TMEM154: variants seen among roughly 807,000 people sequenced by gnomAD.
TMEM154 encodes transmembrane protein 154.
In TMEM154, 27 loss-of-function variants were observed where a neutral mutation model predicts 24.5. The observed-to-expected ratio is 1.10, with a 90% CI of 0.81 to 1.52. The LOEUF is 1.52. TMEM154 is among the 40% of genes most tolerant of loss of function. The pLI is 0.00. For missense variants in TMEM154, 228 were observed against 213.4 expected (o/e 1.07, Z -0.43); for synonymous variants, 67 against 76.8 (o/e 0.87, Z 0.67).
rs971624647 is a variant in TMEM154 at position 152,625,202 on chromosome 4, A to G, written c.*3344T>C. ...CATTGCTAGAGCTGCGGTGATCAGC[A>G]GAAGCATCTGCCTGGCTGTCAATAT... On this transcript the variant is annotated 3_prime_UTR_variant, in exon 7 of 7. Coordinates refer to ENST00000304385, the MANE Select transcript of TMEM154 (RefSeq NM_152680.3). The G allele has an allele frequency of 2.0e-5, 3 of 152,396 alleles. No individual in the cohort carries two copies. The highest frequency in any genetic ancestry group is 2.9e-5 in the Non-Finnish European group (2 of 68,060). 9.4% of individuals were successfully genotyped at this position (152,396 alleles called of 1,614,324 possible).
chr4:152,647,574 A>G (rs1466617786), intron 3 of TMEM154, among the ~76,000 whole-genome samples: 2 of 152,238 alleles, frequency 1.3e-5, no homozygotes. Context: ...TAAGGTAAAA[A>G]TAATGTACCA....
intron 1 of TMEM154, among the ~76,000 whole-genome samples, chr4:152,676,678 C>T (rs1728957872): frequency 6.6e-6 from 1 of 152,172 alleles, no homozygotes; most frequent in Non-Finnish European, 1.5e-5. Context: ...CAGCAGATGT[C>T]AGCCGTGTTC....
intron 6 of TMEM154, among the ~76,000 whole-genome samples, chr4:152,631,158 A>T (rs528721754): frequency 9.2e-5 from 14 of 152,182 alleles, no homozygotes; most frequent in Non-Finnish European, 2.1e-4. Flanking sequence ...TTAATGGCCC[A>T]TTGTCAAATT....
intron 1 of TMEM154, among the ~76,000 whole-genome samples, chr4:152,671,887 A>G: frequency 6.6e-6 from 1 of 151,856 alleles, no homozygotes; most frequent in East Asian, 1.9e-4. Flanking sequence ...AAAACCGGTG[A>G]TGAAAATACC....
At chr4:152,671,041 T>A (rs900168492) in intron 1 of TMEM154, among the ~76,000 whole-genome samples, 23 of 152,102 alleles carry the variant, frequency 1.5e-4, no homozygotes, top group African/African-American at 5.3e-4. Flanking sequence ...TTCATTGCAT[T>A]CGGGGCTAAG....
chr4:152,670,648 T>TA (rs1445702825), intron 1 of TMEM154, among the ~76,000 whole-genome samples: 1 of 152,170 alleles, frequency 6.6e-6, no homozygotes, highest in East Asian at 1.9e-4. Context: ...TTGGGATAGT[T>TA]AGCTAATATT....
rs1751816345 is a variant in TMEM154 at position 152,619,726 on chromosome 4, G to C, written c.*8820C>G. Reference sequence around the variant, plus strand: ...GGCCGCTGGACCACAGGCTTGGCTGGGCTCCTATCCGACAGCCAGAACAAA... The same window carrying C: ...GGCCGCTGGACCACAGGCTTGGCTGCGCTCCTATCCGACAGCCAGAACAAA... On this transcript the variant is annotated 3_prime_UTR_variant, in exon 7 of 7. Transcript: ENST00000304385. 2 of 152,206 alleles carry C rather than the reference G, an allele frequency of 1.3e-5. No homozygotes were observed. The highest frequency in any genetic ancestry group is 4.8e-5 in the African/African-American group (2 of 41,442). The allele number at this position is 152,206 out of a possible 1,614,324, so 9.4% of individuals were successfully genotyped here.
chr4:152,628,333 G>T lies in TMEM154; in HGVS notation c.*213C>A. 2.5e-6 allele frequency: 2 copies of T among 785,886 alleles called. No individual in the cohort carries two copies. The highest frequency in any genetic ancestry group is 4.1e-6 in the Non-Finnish European group (2 of 484,988). The allele number at this position is 785,886 out of a possible 1,614,324, so 48.7% of individuals were successfully genotyped here. On this transcript the variant is annotated 3_prime_UTR_variant, in exon 7 of 7. Coordinates refer to ENST00000304385, the MANE Select transcript of TMEM154 (RefSeq NM_152680.3). ...CAGAGGCAGCGATGGATGGCAGCCA[G>T]GCCTTTTCCTAGTACTTCTCAATTG...
In TMEM154 at chr4:152,644,255, C is replaced by T. The variant is rs575504467; in HGVS notation, c.392+160G>A. Among the ~76,000 whole-genome samples, 4 of 152,274 alleles carry T rather than the reference C, an allele frequency of 2.6e-5. No homozygotes were observed. In the East Asian group the frequency reaches 7.7e-4, roughly 29 times the overall value. On this transcript the variant is annotated intron_variant, in intron 4 of 6. Coordinates refer to ENST00000304385, the MANE Select transcript of TMEM154 (RefSeq NM_152680.3). The stretch of plus-strand genomic sequence containing the variant: ...CACGCTGGATAGGGTTTGGGGATGC[C>T]AGCACATCCTCCCTCAGGCTGCCAA...
chr4:152,673,940 T>C (rs1728902974), intron 1 of TMEM154, among the ~76,000 whole-genome samples: 1 of 151,972 alleles, frequency 6.6e-6, no homozygotes, highest in African/African-American at 2.4e-5. Flanking sequence ...CATGAACATC[T>C]TCTGCTTGTG....
intron 3 of TMEM154, chr4:152,646,993 C>A (rs1378515825): frequency 1.4e-6 from 1 of 712,554 alleles, no homozygotes; most frequent in East Asian, 2.7e-5. Context: ...ACCAGGAGGT[C>A]TAGGAAGAAT....
intron 1 of TMEM154, among the ~76,000 whole-genome samples, chr4:152,671,610 A>G (rs1055956819): frequency 1.3e-5 from 2 of 149,578 alleles, no homozygotes; most frequent in South Asian, 2.1e-4. Flanking sequence ...AGCCGGGCGT[A>G]GTGGCGGGCG....
In TMEM154 at chr4:152,647,243, GTGTCCATGCTCT is replaced by G. The variant is rs947454480; in HGVS notation, c.365-2813_365-2802del. 1.3e-5 allele frequency: 13 copies of G among 985,098 alleles called. 1 individual carries two copies. The African/African-American group carries it at 2.3e-4, about 17-fold the overall frequency. The allele number at this position is 985,098 out of a possible 1,614,324, so 61.0% of individuals were successfully genotyped here. On this transcript the variant is annotated intron_variant, in intron 3 of 6. Transcript: ENST00000304385. ...ACTTCCCAGGGGACATAGTGTGCAGGTGTCCATGCTCTCCTATAAAGCATTTCTGTGGGAGCT... is the reference window on the plus strand; with the variant it reads ...ACTTCCCAGGGGACATAGTGTGCAGGCCTATAAAGCATTTCTGTGGGAGCT...
At chr4:152,631,486 T>C (rs1752043124) in intron 6 of TMEM154, among the ~76,000 whole-genome samples, 1 of 152,144 alleles carries the variant, frequency 6.6e-6, no homozygotes, top group Non-Finnish European at 1.5e-5. Context: ...CAGGCTGGAG[T>C]GCAGTGGCAA....
chr4:152,676,458 G>C (rs1200259516), intron 1 of TMEM154, among the ~76,000 whole-genome samples: 2 of 152,206 alleles, frequency 1.3e-5, no homozygotes, highest in African/African-American at 2.4e-5. Flanking sequence ...CTAATTAGCT[G>C]TGTGACCTTG....
At chr4:152,639,409 T>C (rs558812569) in intron 6 of TMEM154, among the ~76,000 whole-genome samples, 2 of 152,300 alleles carry the variant, frequency 1.3e-5, no homozygotes, top group African/African-American at 2.4e-5. Context: ...GATAGAGTAA[T>C]AAGATACTTA....
chr4:152,639,216 G>T, intron 6 of TMEM154, among the ~76,000 whole-genome samples: 1 of 152,132 alleles, frequency 6.6e-6, no homozygotes, highest in East Asian at 1.9e-4. Flanking sequence ...CTCCCAAAGT[G>T]TTGGAATTAC....
intron 1 of TMEM154, among the ~76,000 whole-genome samples, chr4:152,658,275 G>A (rs1482974559): frequency 6.6e-6 from 1 of 151,886 alleles, no homozygotes; most frequent in Admixed American, 6.6e-5. Context: ...AAAACCTATG[G>A]GATACAGCAA....
At chr4:152,630,471 T>C (rs1041536110) in intron 6 of TMEM154, among the ~76,000 whole-genome samples, 1 of 152,174 alleles carries the variant, frequency 6.6e-6, no homozygotes, top group Non-Finnish European at 1.5e-5. Context: ...TTTAATTTCT[T>C]AGAAATTGGG....
Sources: allele counts gnomAD v4.1 joint callset (sites outside exome capture counted in the v4.1 genomes callset), GRCh38; gene constraint gnomAD v4.1.1; transcripts MANE v1.5; gene names NCBI Gene and HGNC (gene_info 2026-07-23, HGNC 2026-07-21).